Variants in SLC2A5 observed in about 807,000 individuals in gnomAD.
SLC2A5 encodes the protein solute carrier family 2, facilitated glucose transporter member 5.
Under a neutral mutation model 50.3 loss-of-function variants are expected in SLC2A5, and 56 were observed. The observed-to-expected ratio is 1.11, with a 90% CI of 0.90 to 1.39. SLC2A5 has a LOEUF of 1.39. Ranked by LOEUF, SLC2A5 falls within the 40% of genes most tolerant of loss-of-function variation. SLC2A5 has a pLI of 0.00. For synonymous variants in SLC2A5, 269 were observed against 281.9 expected (o/e 0.95, Z 0.46); for missense variants, 566 against 650.1 (o/e 0.87, Z 1.41).
upstream of SLC2A5, among the ~76,000 whole-genome samples, chr1:9,072,876 C>T (rs1413076392): frequency 2.6e-5 from 4 of 151,298 alleles, no homozygotes; most frequent in South Asian, 4.2e-4. Context: ...GTAGGAGAAT[C>T]GCTTGAACCC....
chr1:9,063,985 G>A (rs561267556), intron 1 of SLC2A5, among the ~76,000 whole-genome samples: 1,356 of 130,580 alleles, frequency 0.01, 53 homozygotes, highest in Non-Finnish European at 0.016. Context: ...GTGAGCCACC[G>A]CGCCCGGCCT....
chr1:9,043,488 G>A (rs1284940640), intron 4 of SLC2A5, among the ~76,000 whole-genome samples: 1 of 152,108 alleles, frequency 6.6e-6, no homozygotes, highest in Non-Finnish European at 1.5e-5. Context: ...CAGAGGAAAG[G>A]AAGGCCTCCT....
chr1:9,071,176 A>C (rs1008743896), upstream of SLC2A5, among the ~76,000 whole-genome samples: 16 of 152,108 alleles, frequency 1.1e-4, no homozygotes, highest in African/African-American at 3.9e-4. Flanking sequence ...TGGGGAAGCC[A>C]AGGTGGGTGG....
chr1:9,087,444 T>A (rs962461916), intron 1 of SLC2A5, among the ~76,000 whole-genome samples: 1 of 152,072 alleles, frequency 6.6e-6, no homozygotes, highest in Non-Finnish European at 1.5e-5. Flanking sequence ...GACCTTGTGA[T>A]CTTCCCGCCT....
At chr1:9,070,072 GTTTTTTTTTTT>G (rs56828280), upstream of SLC2A5, among the ~76,000 whole-genome samples, 6 of 62,514 alleles carry the variant, frequency 9.6e-5, no homozygotes, top group East Asian at 6.3e-4. Context: ...CTCATTTTCT[GTTTTTTTTTTT>G]TTTTTTTTTT....
Position 9,039,789 on chromosome 1 carries a change from C to G in SLC2A5, c.885+11G>C. 1 of 1,540,284 alleles carries G rather than the reference C, an allele frequency of 6.5e-7. No homozygotes were observed. Among genetic ancestry groups the G allele is most frequent in the Non-Finnish European group, 8.7e-7 (1 of 1,143,606 alleles). ...CCCTCCCCAGCTCCCGAGCCGCAGC[C>G]CGGCCCATACAGCGTTGACGCCCGA... On this transcript the variant is annotated intron_variant, in intron 7 of 11. Transcript: ENST00000377424.
Position 9,039,532 on chromosome 1 carries a change from G to A in SLC2A5, c.996+20C>T. The stretch of plus-strand genomic sequence containing the variant: ...GAGGGGCCTTGGGTGGAGGCTGTGG[G>A]CAGCTCCCAGGACACTCACGGCGCA... On this transcript the variant is annotated intron_variant, in intron 8 of 11. Transcript: ENST00000377424. The A allele has an allele frequency of 1.3e-6, 2 of 1,531,188 alleles. No individual in the cohort carries two copies. Among genetic ancestry groups the A allele is most frequent in the Non-Finnish European group, 8.8e-7 (1 of 1,131,854 alleles). 94.9% of individuals were successfully genotyped at this position (1,531,188 alleles called of 1,614,324 possible).
At position 9,036,197 on chromosome 1, in the gene SLC2A5, A is replaced by G. The variant is rs568413825; in HGVS notation, c.*1389T>C. The stretch of plus-strand genomic sequence containing the variant: ...TTACATGTATTTATTTATTTGAGAC[A>G]AGGTCTCATTCTGTCATGCAGGCTG... On this transcript the variant is annotated 3_prime_UTR_variant, in exon 12 of 12. Transcript: ENST00000377424. 132 of 152,330 alleles carry G rather than the reference A, an allele frequency of 8.7e-4. No individual in the cohort carries two copies. The highest frequency in any genetic ancestry group is 2.9e-3 in the African/African-American group (121 of 41,572). 9.4% of individuals were successfully genotyped at this position (152,330 alleles called of 1,614,324 possible).
chr1:9,047,246 C>T (rs768596230), intron 4 of SLC2A5, among the ~76,000 whole-genome samples: 4 of 152,158 alleles, frequency 2.6e-5, no homozygotes, highest in African/African-American at 9.7e-5. Flanking sequence ...CAGGTGTGAG[C>T]CACTGCACTC....
At chr1:9,059,193 A>C (rs1336676368) in intron 1 of SLC2A5, among the ~76,000 whole-genome samples, 10 of 114,294 alleles carry the variant, frequency 8.7e-5, no homozygotes, top group African/African-American at 3.4e-4. Flanking sequence ...CCCAGGCTGG[A>C]GTGCAGTGGC....
intron 10 of SLC2A5, 99 bp from the exon 11 acceptor site, chr1:9,038,123 G>A: frequency 2.2e-6 from 3 of 1,392,446 alleles, no homozygotes; most frequent in African/African-American, 1.4e-5. Flanking sequence ...CCAGGACAGA[G>A]GCGTCTCCAG....
rs946628054 is a variant in SLC2A5 at position 9,035,506 on chromosome 1, A to G, written c.*2080T>C. The G allele has an allele frequency of 6.6e-6, 1 of 152,282 alleles. No homozygotes were observed. Among genetic ancestry groups the G allele is most frequent in the African/African-American group, 2.4e-5 (1 of 41,454 alleles). The allele number at this position is 152,282 out of a possible 1,614,324, so 9.4% of individuals were successfully genotyped here. ...GTGGAATCTCCATTACATACCCACA[A>G]AAAGTGCTCCCAAGTCCCACTGCTC... is the stretch of plus-strand genomic sequence containing the variant. On this transcript the variant is annotated 3_prime_UTR_variant, in exon 12 of 12. Coordinates refer to ENST00000377424, the MANE Select transcript of SLC2A5 (RefSeq NM_003039.3).
chr1:9,062,109 C>A lies in SLC2A5; in HGVS notation c.34-3859G>T, dbSNP rs116471087. On this transcript the variant is annotated intron_variant, in intron 1 of 11. Transcript: ENST00000377424. ...TGGGTTCTCGCTAACCCTGCCGGTC[C>A]AGCCAACTTCATTAAACAAATATGC... Among the ~76,000 whole-genome samples, 1,416 of 152,242 alleles carry A rather than the reference C, an allele frequency of 9.3e-3. 27 individuals carry two copies. The highest frequency in any genetic ancestry group is 0.032 in the African/African-American group (1,323 of 41,536).
chr1:9,087,896 A>T (rs913282438), intron 1 of SLC2A5, among the ~76,000 whole-genome samples: 2 of 151,912 alleles, frequency 1.3e-5, no homozygotes, highest in Non-Finnish European at 2.9e-5. Flanking sequence ...CCCTTTGCCA[A>T]TTCCAACTGG....
At chr1:9,043,216 T>G (rs1641349218) in intron 4 of SLC2A5, among the ~76,000 whole-genome samples, 1 of 152,038 alleles carries the variant, frequency 6.6e-6, no homozygotes, top group African/African-American at 2.4e-5. Context: ...GAACAGAGTT[T>G]GGAGTGAGCA....
chr1:9,037,856 T>C, intron 11 of SLC2A5, 41 bp downstream of exon 11: 1 of 1,613,772 alleles, frequency 6.2e-7, no homozygotes. Flanking sequence ...CTGTACTGCA[T>C]GGGGATCTGG....
intron 10 of SLC2A5, 122 bp downstream of exon 10, chr1:9,038,308 CG>C: frequency 1.3e-6 from 1 of 767,984 alleles, no homozygotes; most frequent in Non-Finnish European, 2.3e-6. Flanking sequence ...TTGCGGTGGA[CG>C]GGGGAAGAGA....
Position 9,058,209 on chromosome 1 carries a change from GGCA to G in SLC2A5, c.72_74del (p.Ala25del). 1 of 1,614,126 alleles carries G rather than the reference GGCA, an allele frequency of 6.2e-7. No individual in the cohort carries two copies. ...ACCCATACTGGAAGGATGACCCAAA[GGCA>G]GCTATCAGGGTTGCCAGGGCAAGCA... On this transcript the variant is annotated inframe_deletion, in exon 2 of 12. Coordinates refer to ENST00000377424, the MANE Select transcript of SLC2A5 (RefSeq NM_003039.3).
intron 2 of SLC2A5, 105 bp from the exon 3 acceptor site, chr1:9,057,713 C>A: frequency 1.0e-6 from 1 of 957,838 alleles, no homozygotes; most frequent in Non-Finnish European, 1.6e-6. Context: ...CACACAGAGA[C>A]CAACCTTATT....
Sources: gnomAD v4.1 joint callset for allele counts (sites outside exome capture counted in the v4.1 genomes callset) on GRCh38, gnomAD v4.1.1 for gene constraint, MANE v1.5 for transcripts, NCBI Gene and HGNC (gene_info 2026-07-23, HGNC 2026-07-21) for gene names.